RASA3: variants seen among roughly 807,000 people sequenced by gnomAD.
RASA3 encodes the protein ras GTPase-activating protein 3.
Under a neutral mutation model 110.0 loss-of-function variants are expected in RASA3, and 73 were observed. That is an observed-to-expected ratio of 0.66 (90% CI 0.55 to 0.81). The LOEUF (loss-of-function observed/expected upper bound fraction) is 0.81, where lower values mean the gene tolerates loss of function less well. RASA3 is among the 30% of genes least tolerant of loss of function. RASA3 has a pLI of 0.00. For synonymous variants in RASA3, 500 were observed against 451.4 expected (o/e 1.11, Z -1.37); for missense variants, 976 against 1,113.2 (o/e 0.88, Z 1.75).
Position 114,065,714 on chromosome 13 carries a change from C to T in RASA3, c.173+8006G>A, listed in dbSNP as rs75159665. 0.012 allele frequency among the ~76,000 whole-genome samples: 1,845 copies of T among 152,306 alleles called. 27 individuals are homozygous for T. Among genetic ancestry groups the T allele is most frequent in the African/African-American group, 0.043 (1,773 of 41,576 alleles). ...CGCCACCCAGCACTGCAGGGTCACA[C>T]AGCCCTGGCTCCCAGAGGTCAGAGG... is the stretch of plus-strand genomic sequence containing the variant. On this transcript the variant is annotated intron_variant, in intron 2 of 23. Transcript: ENST00000334062. This position sits in a 1 kb window ranked among gnomAD's most constrained non-coding sequence, Gnocchi z 4.1.
intron 15 of RASA3, among the ~76,000 whole-genome samples, chr13:114,012,430 G>A (rs1381575702): frequency 9.5e-6 from 1 of 105,670 alleles, no homozygotes; most frequent in East Asian, 2.9e-4. Context: ...CATTCCACAC[G>A]TCTTCCACAC....
chr13:114,018,145 T>C lies in RASA3; in HGVS notation c.1050A>G (p.Pro350=), dbSNP rs1404962176. The change falls in exon 11 of 24, where the codon CCA becomes CCG. Residue 350 remains proline (P), a synonymous_variant. Transcript: ENST00000334062. ...RLFLHYGRVV[P]FISAIASAEV... The stretch of plus-strand genomic sequence containing the variant: ...CCGCGCTGGCGATGGCACTGATGAA[T>C]GGCACCACCCTGCCATAGTGTAGGA... The C allele has an allele frequency of 1.3e-6, 2 of 1,550,170 alleles. No individual in the cohort carries two copies. The highest frequency in any genetic ancestry group is 1.7e-6 in the Non-Finnish European group (2 of 1,146,820).
Position 114,017,394 on chromosome 13 carries a change from C to T in RASA3, c.1092-43G>A, listed in dbSNP as rs558567487. On this transcript the variant is annotated intron_variant, in intron 11 of 23. Coordinates refer to ENST00000334062, the MANE Select transcript of RASA3 (RefSeq NM_007368.4). ...GGACAGCGTTTGTCTCCTGGGGACG[C>T]GGAAGTGCAGACGGAGCAGAGCCTG... The T allele has an allele frequency of 1.4e-5, 22 of 1,525,354 alleles. 1 individual carries two copies. The highest frequency in any genetic ancestry group is 8.2e-5 in the African/African-American group (6 of 73,178). 94.5% of individuals were successfully genotyped at this position (1,525,354 alleles called of 1,614,324 possible).
chr13:114,075,339 C>G (rs2079651102), intron 1 of RASA3, among the ~76,000 whole-genome samples: 1 of 152,236 alleles, frequency 6.6e-6, no homozygotes, highest in African/African-American at 2.4e-5. Flanking sequence ...CCAGCAACTC[C>G]AAAGGGCAGA....
chr13:114,050,029 G>C lies in RASA3; in HGVS notation c.277+2023C>G, dbSNP rs1014094468. Among the ~76,000 whole-genome samples the C allele has an allele frequency of 3.8e-4, 58 of 152,232 alleles. 1 individual carries two copies. Among genetic ancestry groups the C allele is most frequent in the African/African-American group, 1.3e-3 (55 of 41,468 alleles). Reference sequence around the variant, plus strand: ...AGGTGCCTCAGGAGTGGGGTGCACAGCGGCTGAGCCCGGAGGCAGGAGGGA... The same window carrying C: ...AGGTGCCTCAGGAGTGGGGTGCACACCGGCTGAGCCCGGAGGCAGGAGGGA... On this transcript the variant is annotated intron_variant, in intron 3 of 23. Coordinates refer to ENST00000334062, the MANE Select transcript of RASA3 (RefSeq NM_007368.4).
intron 22 of RASA3, among the ~76,000 whole-genome samples, chr13:113,984,062 TACTCACCCATCCATCCCTCCACCCATC>T (rs1221359850): frequency 6.5e-5 from 4 of 62,000 alleles, no homozygotes; most frequent in Non-Finnish European, 1.1e-4. Context: ...ATCTACCCAT[TACTCACCCATCCATCCCTCCACCCATC>T]ACTCACCCAT....
Position 114,040,558 on chromosome 13 carries a change from CGGGCG to C in RASA3, c.372+437_372+441del, listed in dbSNP as rs1566514933. Among the ~76,000 whole-genome samples the C allele has an allele frequency of 5.3e-3, 678 of 128,006 alleles. 74 individuals are homozygous for C. The highest frequency in any genetic ancestry group is 0.014 in the African/African-American group (451 of 31,390). The allele number at this position is 128,006 out of a possible 152,430, so 84.0% of individuals were successfully genotyped here. A position where few individuals can be genotyped will look rare whatever the true frequency, so the allele number is the denominator to read the frequency against. On this transcript the variant is annotated intron_variant, in intron 4 of 23. Coordinates refer to ENST00000334062, the MANE Select transcript of RASA3 (RefSeq NM_007368.4). ...AGCCCGCGCTCACTCCGAGCACAAGCGGGCGAACACGCACAACCCAAAATCCATGG... is the reference window on the plus strand; with the variant it reads ...AGCCCGCGCTCACTCCGAGCACAAGCAACACGCACAACCCAAAATCCATGG...
At chr13:114,050,219 C>A (rs1216036759) in intron 3 of RASA3, among the ~76,000 whole-genome samples, 3 of 152,192 alleles carry the variant, frequency 2.0e-5, no homozygotes, top group Non-Finnish European at 4.4e-5. Flanking sequence ...TCACGCTGGA[C>A]CCTCAAGACC....
intron 1 of RASA3, among the ~76,000 whole-genome samples, chr13:114,107,152 CCTGGG>C (rs2139753340): frequency 3.7e-5 from 1 of 26,742 alleles, no homozygotes; most frequent in South Asian, 1.1e-3. Flanking sequence ...CAGCCTTGAC[CCTGGG>C]CACCTTGACC....
intron 1 of RASA3, among the ~76,000 whole-genome samples, chr13:114,094,867 C>T (rs369578188): frequency 6.6e-6 from 1 of 152,182 alleles, no homozygotes; most frequent in Non-Finnish European, 1.5e-5. Flanking sequence ...GAGACCGAGG[C>T]GCGGGCTCCC....
intron 4 of RASA3, among the ~76,000 whole-genome samples, chr13:114,036,784 G>A (rs1159270615): frequency 2.6e-5 from 4 of 152,110 alleles, no homozygotes; most frequent in South Asian, 2.1e-4. Context: ...TGATCCACCC[G>A]CCTCGGCCTC....
intron 9 of RASA3, among the ~76,000 whole-genome samples, chr13:114,020,220 A>G (rs2053895876): frequency 1.5e-5 from 1 of 67,380 alleles, no homozygotes; most frequent in Non-Finnish European, 2.9e-5. Flanking sequence ...CCGAGGCATT[A>G]GCAGCCCTGT....
rs546597288 is a variant in RASA3, at chr13:114,065,054, A to T, written c.173+8666T>A. ...CAGAATCAAGCAAACTTTCACGGGG[A>T]AAAAAGAAAAAACCTCTTGCAGAAA... On this transcript the variant is annotated intron_variant, in intron 2 of 23. Transcript: ENST00000334062. This position sits in a 1 kb window ranked among gnomAD's most constrained non-coding sequence, Gnocchi z 4.1. Among the ~76,000 whole-genome samples, 2 of 152,348 alleles carry T rather than the reference A, an allele frequency of 1.3e-5. No homozygotes were observed. The highest frequency in any genetic ancestry group is 3.9e-4 in the East Asian group (2 of 5,184).
In RASA3 at chr13:114,027,943, G is replaced by C. The variant is rs771494947; in HGVS notation, c.450-16C>G. On this transcript the variant is annotated splice_polypyrimidine_tract_variant and intron_variant, in intron 5 of 23. Transcript: ENST00000334062. Reference sequence around the variant, plus strand: ...CTCGACGATGCTGAGGAGAGAAGCAGAGGCGGCGTCAGGAGGGAGCGCAGA... The same window carrying C: ...CTCGACGATGCTGAGGAGAGAAGCACAGGCGGCGTCAGGAGGGAGCGCAGA... The C allele has an allele frequency of 1.9e-6, 3 of 1,606,112 alleles. No homozygotes were observed. The highest frequency in any genetic ancestry group is 3.3e-5 in the Admixed American group (2 of 59,896).
At chr13:114,013,383 C>CTCTCCCTCTCTG in intron 14 of RASA3, 135 bp from the exon 15 acceptor site, 1 of 554,092 alleles carries the variant, frequency 1.8e-6, no homozygotes, top group Non-Finnish European at 3.2e-6. Context: ...GTGTCTGTCT[C>CTCTCCCTCTCTG]TCTCCCTCTC....
intron 3 of RASA3, among the ~76,000 whole-genome samples, chr13:114,046,093 C>T (rs1240473129): frequency 4.6e-5 from 7 of 152,172 alleles, no homozygotes; most frequent in Admixed American, 2.6e-4. Context: ...GTATATATGG[C>T]AATTCAAAGC....
In RASA3 at chr13:114,027,813, CCAGAA is replaced by C. The variant is rs764642940; in HGVS notation, c.530+29_530+33del. On this transcript the variant is annotated intron_variant, in intron 6 of 23. Transcript: ENST00000334062. ...AGAGCTGGACCCTAGCCCCCCAGGA[CCAGAA>C]CAGAAACCTGAAGCGTGAGGCAACT... 5 of 1,599,584 alleles carry C rather than the reference CCAGAA, an allele frequency of 3.1e-6. No individual in the cohort carries two copies. The Admixed American group carries it at 6.7e-5, about 21-fold the overall frequency.
chr13:114,071,115 G>C (rs2079565991), intron 2 of RASA3, among the ~76,000 whole-genome samples: 1 of 152,338 alleles, frequency 6.6e-6, no homozygotes, highest in Admixed American at 6.5e-5. Context: ...GTCTTTTGTT[G>C]TGTGTGTTTT....
chr13:114,073,851 G>C lies in RASA3; in HGVS notation c.56-14C>G. The C allele has an allele frequency of 6.3e-7, 1 of 1,584,342 alleles. No homozygotes were observed. On this transcript the variant is annotated splice_polypyrimidine_tract_variant and intron_variant, in intron 1 of 23. Coordinates refer to ENST00000334062, the MANE Select transcript of RASA3 (RefSeq NM_007368.4). The stretch of plus-strand genomic sequence containing the variant: ...TTTTGGCTTCACCTAAAAAGTAAAA[G>C]CGACATACATCATCAGCAGCGTAGA...
Sources: gnomAD v4.1 joint callset for allele counts (sites outside exome capture counted in the v4.1 genomes callset) on GRCh38, gnomAD v4.1.1 for gene constraint, Gnocchi (gnomAD v3.1) non-coding constraint, MANE v1.5 for transcripts, NCBI Gene and HGNC (gene_info 2026-07-23, HGNC 2026-07-21) for gene names.